The following FRMD4A variants were observed in gnomAD, a reference collection of about 807,000 sequenced individuals.
The protein encoded by FRMD4A is FERM domain containing 4A.
A neutral mutation model predicts 129.1 loss-of-function variants in FRMD4A; 29 were observed. The observed-to-expected ratio is 0.22, with a 90% confidence interval of 0.17 to 0.31. The LOEUF (loss-of-function observed/expected upper bound fraction) is 0.31, where lower values mean the gene tolerates loss of function less well. Among genes scored for constraint, FRMD4A ranks in the 10% least tolerant of loss-of-function variants. FRMD4A has a pLI of 1.00. For missense variants in FRMD4A, 1,272 were observed against 1,375.8 expected (o/e 0.92, Z 1.19); for synonymous variants, 634 against 571.6 (o/e 1.11, Z -1.56).
intron 2 of FRMD4A, among the ~76,000 whole-genome samples, chr10:14,293,344 G>A (rs1478270022): frequency 1.3e-5 from 2 of 152,116 alleles, no homozygotes; most frequent in African/African-American, 4.8e-5. Context: ...CCAGATGCCG[G>A]TGCCATGCTC....
chr10:14,135,270 A>C (rs146228507), intron 2 of FRMD4A, among the ~76,000 whole-genome samples: 1 of 152,324 alleles, frequency 6.6e-6, no homozygotes, highest in East Asian at 1.9e-4. Context: ...TTGAAAACCT[A>C]ACTTAGGAGT....
intron 2 of FRMD4A, among the ~76,000 whole-genome samples, chr10:14,159,458 A>T (rs989494304): frequency 6.6e-6 from 1 of 152,226 alleles, no homozygotes. Context: ...TGCTGATGAA[A>T]GAAACTGAAG....
intron 7 of FRMD4A, 67 bp downstream of exon 7, chr10:13,762,557 G>C: frequency 1.1e-6 from 1 of 901,696 alleles, no homozygotes; most frequent in Admixed American, 1.9e-5. Flanking sequence ...GCTATGCCTG[G>C]TAAGTCTTAC....
chr10:13,869,655 A>T (rs1278115722), intron 2 of FRMD4A, among the ~76,000 whole-genome samples: 1 of 152,214 alleles, frequency 6.6e-6, no homozygotes. Flanking sequence ...AAAGAACTCC[A>T]GGCTCCTGGG....
chr10:13,913,745 T>G (rs2094968912), intron 2 of FRMD4A, among the ~76,000 whole-genome samples: 1 of 152,200 alleles, frequency 6.6e-6, no homozygotes, highest in Non-Finnish European at 1.5e-5. Flanking sequence ...CTTAGTCACT[T>G]AGTAACTAGG....
chr10:14,034,202 A>G (rs537213835), intron 2 of FRMD4A, among the ~76,000 whole-genome samples: 1 of 152,264 alleles, frequency 6.6e-6, no homozygotes, highest in South Asian at 2.1e-4. Flanking sequence ...CTAGATGTTC[A>G]TTAAGCGCAT....
intron 2 of FRMD4A, among the ~76,000 whole-genome samples, chr10:13,919,521 AT>A (rs1359760322): frequency 6.6e-6 from 1 of 152,178 alleles, no homozygotes; most frequent in African/African-American, 2.4e-5. Context: ...ATTAAAATGA[AT>A]TTAATGTATA....
chr10:13,956,114 C>T (rs1397296763), intron 2 of FRMD4A, among the ~76,000 whole-genome samples: 1 of 152,150 alleles, frequency 6.6e-6, no homozygotes, highest in Non-Finnish European at 1.5e-5. Context: ...TTGTGCTATA[C>T]AGTGTGCTAA....
chr10:14,184,836 A>G lies in FRMD4A; in HGVS notation c.45+145222T>C, dbSNP rs146920671. On this transcript the variant is annotated intron_variant, in intron 2 of 24. Transcript: ENST00000357447. ...TTATTTTTTATTTTTTAAGGAAATG[A>G]TAGATATCCTTACCACATCTTCGTG... is the stretch of plus-strand genomic sequence containing the variant. Among the ~76,000 whole-genome samples, 30 of 152,320 alleles carry G rather than the reference A, an allele frequency of 2.0e-4. No individual in the cohort carries two copies. In the East Asian group the frequency reaches 5.8e-3, roughly 29 times the overall value.
chr10:13,980,956 A>G (rs2095558410), intron 2 of FRMD4A, among the ~76,000 whole-genome samples: 1 of 152,308 alleles, frequency 6.6e-6, no homozygotes, highest in Non-Finnish European at 1.5e-5. Context: ...AAAAAAATAA[A>G]TCCTTTGATA....
intron 2 of FRMD4A, among the ~76,000 whole-genome samples, 187 bp from the exon 3 acceptor site, chr10:13,859,099 C>T (rs546856907): frequency 2.0e-5 from 3 of 152,278 alleles, no homozygotes; most frequent in Non-Finnish European, 2.9e-5. Context: ...CTATTGAGGC[C>T]GGGCGCGGTG....
chr10:13,862,142 TA>T (rs2094303287), intron 2 of FRMD4A, among the ~76,000 whole-genome samples: 1 of 151,924 alleles, frequency 6.6e-6, no homozygotes, highest in Non-Finnish European at 1.5e-5. Flanking sequence ...CGACAGAGAA[TA>T]GGGGAGAGTT....
intron 2 of FRMD4A, chr10:14,074,341 G>C (rs1478064151): frequency 2.0e-5 from 3 of 152,214 alleles, no homozygotes; most frequent in African/African-American, 7.2e-5. Flanking sequence ...CTGAGGGTCA[G>C]ATTCAGATGG....
intron 2 of FRMD4A, among the ~76,000 whole-genome samples, chr10:14,303,512 C>T (rs1846253197): frequency 6.6e-6 from 1 of 152,206 alleles, no homozygotes; most frequent in East Asian, 1.9e-4. Flanking sequence ...GTGTCCAATC[C>T]TAAGCCCTAC....
At chr10:13,891,921 C>A (rs928711975) in intron 2 of FRMD4A, among the ~76,000 whole-genome samples, 34 of 148,090 alleles carry the variant, frequency 2.3e-4, no homozygotes, top group Admixed American at 2.1e-3. Context: ...CAGCGCGCCC[C>A]GAGCCAGTCC....
intron 3 of FRMD4A, among the ~76,000 whole-genome samples, chr10:13,813,091 C>T (rs180726501): frequency 5.9e-4 from 90 of 152,382 alleles, no homozygotes; most frequent in Middle Eastern, 3.4e-3. Flanking sequence ...TTCGGCTGCC[C>T]AATAACAAAG....
intron 2 of FRMD4A, among the ~76,000 whole-genome samples, chr10:13,862,587 T>C (rs2131050485): frequency 6.6e-6 from 1 of 152,326 alleles, no homozygotes; most frequent in African/African-American, 2.4e-5. Flanking sequence ...ACAAACATGC[T>C]CCGTATTTTA....
intron 3 of FRMD4A, among the ~76,000 whole-genome samples, chr10:13,852,242 G>T (rs1170892139): frequency 6.6e-6 from 1 of 151,800 alleles, no homozygotes; most frequent in Non-Finnish European, 1.5e-5. Flanking sequence ...CCCAATATAA[G>T]ATTTTAATTT....
At chr10:13,968,906 A>C (rs1488080503) in intron 2 of FRMD4A, among the ~76,000 whole-genome samples, 1 of 152,180 alleles carries the variant, frequency 6.6e-6, no homozygotes, top group Non-Finnish European at 1.5e-5. Context: ...ACTTTTCTCA[A>C]ATCCTCTATT....
Sources: allele counts gnomAD v4.1 joint callset (sites outside exome capture counted in the v4.1 genomes callset), GRCh38; gene constraint gnomAD v4.1.1; transcripts MANE v1.5; gene names NCBI Gene and HGNC (gene_info 2026-07-23, HGNC 2026-07-21).